The following NR5A2 variants were observed in gnomAD, a reference collection of about 807,000 sequenced individuals.
The protein encoded by NR5A2 is nuclear receptor subfamily 5 group A member 2, also known as CYP7A promoter-binding factor.
A neutral mutation model predicts 62.7 loss-of-function variants in NR5A2; 26 were observed. That is an observed-to-expected ratio of 0.41 (90% CI 0.30 to 0.58). The LOEUF (loss-of-function observed/expected upper bound fraction) is 0.58. Among genes scored for constraint, NR5A2 ranks in the 20% least tolerant of loss-of-function variants. The probability of loss-of-function intolerance (pLI) is 0.22; values close to 1 mark genes in which losing one functional copy is unlikely to be tolerated. For synonymous variants in NR5A2, 246 were observed against 241.7 expected, an observed-to-expected ratio of 1.02 and a Z score of -0.16; for missense variants, 541 against 669.1, an observed-to-expected ratio of 0.81 and a Z score of 2.11.
At chr1:200,077,904 C>T (rs961265575) in intron 5 of NR5A2, among the ~76,000 whole-genome samples, 12 of 152,108 alleles carry the variant, frequency 7.9e-5, no homozygotes, top group African/African-American at 2.9e-4. Flanking sequence ...TCACTGTTAA[C>T]ATTATTTGAG....
At chr1:200,052,924 G>GCC (rs1297891214) in intron 5 of NR5A2, among the ~76,000 whole-genome samples, 2 of 152,200 alleles carry the variant, frequency 1.3e-5, no homozygotes, top group Admixed American at 1.3e-4. Context: ...ATAGGCATGA[G>GCC]CCACCGCACC....
At chr1:200,086,170 A>G (rs899556667) in intron 5 of NR5A2, among the ~76,000 whole-genome samples, 6 of 152,232 alleles carry the variant, frequency 3.9e-5, no homozygotes, top group African/African-American at 1.4e-4. Context: ...AGAGTCCAGT[A>G]TGATTCACTT....
intron 7 of NR5A2, among the ~76,000 whole-genome samples, chr1:200,142,784 T>G (rs1667504468): frequency 1.3e-5 from 2 of 152,260 alleles, no homozygotes; most frequent in Non-Finnish European, 2.9e-5. Context: ...ATTTTTTCAT[T>G]TTTTCCTTTT....
chr1:200,055,344 G>A (rs936138874), intron 5 of NR5A2, among the ~76,000 whole-genome samples: 3 of 152,072 alleles, frequency 2.0e-5, no homozygotes, highest in African/African-American at 7.2e-5. Flanking sequence ...TATAGCGCCT[G>A]CCACCACGCC....
intron 5 of NR5A2, among the ~76,000 whole-genome samples, chr1:200,059,863 G>A (rs1176738071): frequency 6.6e-6 from 1 of 152,086 alleles, no homozygotes; most frequent in Non-Finnish European, 1.5e-5. Context: ...CATGGAAATT[G>A]GCCATTTAAA....
At chr1:200,163,284 GAAGA>G (rs1434477333) in intron 7 of NR5A2, among the ~76,000 whole-genome samples, 1 of 147,046 alleles carries the variant, frequency 6.8e-6, no homozygotes, top group East Asian at 2.0e-4. Context: ...AAAAAAAGAA[GAAGA>G]AAGAAAAGAA....
chr1:200,035,610 G>T (rs1404744771), intron 1 of NR5A2, among the ~76,000 whole-genome samples: 2 of 152,210 alleles, frequency 1.3e-5, no homozygotes, highest in African/African-American at 4.8e-5. Context: ...CTCAGCTCCA[G>T]CCAGCTGGGT....
At chr1:200,051,312 A>G (rs1321157862) in intron 5 of NR5A2, among the ~76,000 whole-genome samples, 1 of 152,232 alleles carries the variant, frequency 6.6e-6, no homozygotes, top group Non-Finnish European at 1.5e-5. Context: ...AAATACAGCT[A>G]GCGGCTGTAA....
At chr1:200,141,792 A>G (rs1667451374) in intron 7 of NR5A2, among the ~76,000 whole-genome samples, 1 of 152,202 alleles carries the variant, frequency 6.6e-6, no homozygotes, top group African/African-American at 2.4e-5. Context: ...TAAAACTTGA[A>G]GTTGACAATA....
chr1:200,100,779 T>G (rs562832632), intron 5 of NR5A2, among the ~76,000 whole-genome samples: 1 of 152,286 alleles, frequency 6.6e-6, no homozygotes, highest in South Asian at 2.1e-4. Context: ...ACCCACAAAT[T>G]TTGCTCAGGA....
At chr1:200,171,704 G>A (rs778850931) in intron 7 of NR5A2, among the ~76,000 whole-genome samples, 3 of 151,994 alleles carry the variant, frequency 2.0e-5, no homozygotes, top group Admixed American at 1.3e-4. Context: ...AGCCGAGATC[G>A]CACCACTGCA....
At chr1:200,038,148 T>C (rs1297191402) in intron 1 of NR5A2, among the ~76,000 whole-genome samples, 4 of 152,110 alleles carry the variant, frequency 2.6e-5, no homozygotes, top group Non-Finnish European at 5.9e-5. Context: ...GCTGGGCTGG[T>C]GGTCGAAGAG....
intron 7 of NR5A2, among the ~76,000 whole-genome samples, chr1:200,141,144 T>G (rs962526823): frequency 2.6e-5 from 4 of 152,210 alleles, no homozygotes; most frequent in Admixed American, 2.6e-4. Context: ...GTTTGTGTGT[T>G]TGTATGTGTT....
intron 7 of NR5A2, among the ~76,000 whole-genome samples, chr1:200,128,172 T>A (rs1666812431): frequency 6.6e-6 from 1 of 152,170 alleles, no homozygotes; most frequent in Non-Finnish European, 1.5e-5. Context: ...CAGTCGGCCC[T>A]GCAGAACCCG....
chr1:200,153,393 TA>T (rs2102367326), intron 7 of NR5A2, among the ~76,000 whole-genome samples: 1 of 152,294 alleles, frequency 6.6e-6, no homozygotes, highest in African/African-American at 2.4e-5. Flanking sequence ...CTGAGCCACA[TA>T]GGAGAATGTT....
At chr1:200,074,045 T>C (rs1343078528) in intron 5 of NR5A2, among the ~76,000 whole-genome samples, 1 of 152,216 alleles carries the variant, frequency 6.6e-6, no homozygotes, top group East Asian at 1.9e-4. Context: ...CTTGAATTTT[T>C]CTTCAAGACT....
At chr1:200,094,746 A>G (rs1160936789) in intron 5 of NR5A2, among the ~76,000 whole-genome samples, 7 of 151,380 alleles carry the variant, frequency 4.6e-5, no homozygotes, top group Admixed American at 3.9e-4. Flanking sequence ...GCTAGCCAGG[A>G]TGGTGTCGAT....
At position 200,109,891 on chromosome 1, in the gene NR5A2, A is replaced by G. The variant is rs145967748; in HGVS notation, c.1111-1311A>G. 3.1e-3 allele frequency among the ~76,000 whole-genome samples: 469 copies of G among 152,228 alleles called. 2 individuals are homozygous for G. Among genetic ancestry groups the G allele is most frequent in the African/African-American group, 0.01 (419 of 41,534 alleles). On this transcript the variant is annotated intron_variant, in intron 5 of 7. Coordinates refer to ENST00000367362, the MANE Select transcript of NR5A2 (RefSeq NM_205860.3). Reference sequence around the variant, plus strand: ...GTGATTCTCCTGCCTCAGCCTCCCAAGTAGCTGGGATTACAGGTGTGCACA... The same window carrying G: ...GTGATTCTCCTGCCTCAGCCTCCCAGGTAGCTGGGATTACAGGTGTGCACA...
intron 5 of NR5A2, among the ~76,000 whole-genome samples, chr1:200,099,427 C>G (rs3790821): frequency 0.23 from 34,685 of 151,426 alleles, 4,559 homozygotes; most frequent in Admixed American, 0.3. Context: ...ACGGAGCATG[C>G]CCTCTGGAAT....
Sources: gnomAD v4.1 joint callset for allele counts (sites outside exome capture counted in the v4.1 genomes callset) on GRCh38, gnomAD v4.1.1 for gene constraint, MANE v1.5 for transcripts, NCBI Gene and HGNC (gene_info 2026-07-23, HGNC 2026-07-21) for gene names.